NDUFAF2: variants seen among roughly 807,000 people sequenced by gnomAD.
The protein encoded by NDUFAF2 is NADH dehydrogenase [ubiquinone] 1 alpha subcomplex assembly factor 2.
In NDUFAF2, 13 loss-of-function variants were observed where a neutral mutation model predicts 22.8. The ratio of observed to expected loss-of-function variants is 0.57; its 90% CI spans 0.37 to 0.91. The LOEUF (loss-of-function observed/expected upper bound fraction) is 0.91, where lower values mean the gene tolerates loss of function less well. NDUFAF2 is among the 40% of genes least tolerant of loss of function. NDUFAF2 has a pLI of 0.01. For missense variants in NDUFAF2, 162 were observed against 195.2 expected (o/e 0.83, Z 1.01); for synonymous variants, 53 against 64.2 (o/e 0.83, Z 0.84).
intron 1 of NDUFAF2, among the ~76,000 whole-genome samples, chr5:61,010,709 C>T (rs899108946): frequency 2.0e-5 from 3 of 152,114 alleles, no homozygotes; most frequent in Non-Finnish European, 2.9e-5. Flanking sequence ...ATATTCATCC[C>T]TTCTTCTTTC....
chr5:61,056,903 AAAAAAAAAAAAAAAAAATAT>A (rs1212886654), intron 1 of NDUFAF2, among the ~76,000 whole-genome samples: 1 of 36,856 alleles, frequency 2.7e-5, no homozygotes, highest in African/African-American at 1.0e-4. Context: ...AAAAAAAAAA[AAAAAAAAAAAAAAAAAATAT>A]ATATATATAT....
At chr5:60,960,653 CTA>C (rs1750671551) in intron 1 of NDUFAF2, among the ~76,000 whole-genome samples, 1 of 152,120 alleles carries the variant, frequency 6.6e-6, no homozygotes, top group South Asian at 2.1e-4. Flanking sequence ...ATCTTCAGAA[CTA>C]TATGTCAGAC....
intron 3 of NDUFAF2, among the ~76,000 whole-genome samples, chr5:61,103,307 TCTC>T (rs1752725336): frequency 6.6e-6 from 1 of 152,116 alleles, no homozygotes; most frequent in African/African-American, 2.4e-5. Flanking sequence ...TTTAATGTCT[TCTC>T]CTTCTCCCAT....
At chr5:60,961,823 TA>T (rs1483296082) in intron 1 of NDUFAF2, among the ~76,000 whole-genome samples, 4 of 151,580 alleles carry the variant, frequency 2.6e-5, no homozygotes, top group African/African-American at 9.7e-5. Flanking sequence ...TTATTAGAAT[TA>T]AGAATGAATC....
intron 1 of NDUFAF2, among the ~76,000 whole-genome samples, chr5:61,058,409 C>G (rs1448016496): frequency 6.6e-6 from 1 of 151,804 alleles, no homozygotes; most frequent in Non-Finnish European, 1.5e-5. Flanking sequence ...AGAAAATACT[C>G]TTTTTATATA....
At chr5:61,089,510 T>A in intron 2 of NDUFAF2, among the ~76,000 whole-genome samples, 1 of 152,164 alleles carries the variant, frequency 6.6e-6, no homozygotes, top group East Asian at 1.9e-4. Flanking sequence ...ATTTTACAAA[T>A]AAGTGGTCAC....
rs368108864 is a variant in NDUFAF2 at position 61,017,021 on chromosome 5, C to T, written c.128-56104C>T. ...AATCTGAGGATGCTCAAGTCCCTTA[C>T]TGTACTCGTTTTCTCTTCTTCATTT... On this transcript the variant is annotated intron_variant, in intron 1 of 3. Coordinates refer to ENST00000296597, the MANE Select transcript of NDUFAF2 (RefSeq NM_174889.5). Among the ~76,000 whole-genome samples the T allele has an allele frequency of 4.3e-4, 65 of 152,346 alleles. 1 individual carries two copies. The South Asian group carries it at 0.013, about 31-fold the overall frequency.
chr5:61,086,537 T>A (rs1752507444), intron 2 of NDUFAF2, among the ~76,000 whole-genome samples: 1 of 152,178 alleles, frequency 6.6e-6, no homozygotes, highest in Non-Finnish European at 1.5e-5. Context: ...AGGAAAATTC[T>A]TTTCAATAGC....
At chr5:61,144,576 G>A (rs1268288900) in intron 3 of NDUFAF2, among the ~76,000 whole-genome samples, 1 of 152,090 alleles carries the variant, frequency 6.6e-6, no homozygotes. Flanking sequence ...CACACCTCTG[G>A]TCTGAGTGTG....
chr5:60,995,556 C>T (rs889960105), intron 1 of NDUFAF2, among the ~76,000 whole-genome samples: 2 of 152,170 alleles, frequency 1.3e-5, no homozygotes, highest in East Asian at 3.9e-4. Context: ...TGTTCTAAGC[C>T]ATCTAAAGCC....
chr5:61,069,102 G>A (rs1020350862), intron 1 of NDUFAF2, among the ~76,000 whole-genome samples: 2 of 150,010 alleles, frequency 1.3e-5, no homozygotes, highest in African/African-American at 4.9e-5. Context: ...CTGGCACATG[G>A]TAAACATGCC....
At chr5:60,989,004 G>T (rs1322458279) in intron 1 of NDUFAF2, among the ~76,000 whole-genome samples, 1 of 152,182 alleles carries the variant, frequency 6.6e-6, no homozygotes, top group Non-Finnish European at 1.5e-5. Flanking sequence ...TACAAAATAT[G>T]AGAAAATATT....
At chr5:60,981,386 T>C (rs1750975384) in intron 1 of NDUFAF2, among the ~76,000 whole-genome samples, 1 of 152,168 alleles carries the variant, frequency 6.6e-6, no homozygotes, top group Non-Finnish European at 1.5e-5. Flanking sequence ...GCAAAATACC[T>C]GAGGGACTTC....
chr5:61,094,268 G>A (rs1452477647), intron 2 of NDUFAF2, among the ~76,000 whole-genome samples: 3 of 151,902 alleles, frequency 2.0e-5, no homozygotes, highest in Admixed American at 6.6e-5. Flanking sequence ...CCTTAACTTG[G>A]TCTATTCTGT....
At chr5:61,036,616 AG>A (rs1283870099) in intron 1 of NDUFAF2, among the ~76,000 whole-genome samples, 3 of 152,176 alleles carry the variant, frequency 2.0e-5, no homozygotes, top group African/African-American at 7.2e-5. Flanking sequence ...TGGGCCTAGG[AG>A]GGAAACTACA....
intron 1 of NDUFAF2, among the ~76,000 whole-genome samples, chr5:61,040,352 C>T (rs1307737113): frequency 6.6e-6 from 1 of 151,554 alleles, no homozygotes; most frequent in Non-Finnish European, 1.5e-5. Context: ...CAAGGAAGGC[C>T]AGGAGCCACT....
intron 1 of NDUFAF2, among the ~76,000 whole-genome samples, chr5:60,974,430 T>C (rs1275856208): frequency 1.3e-5 from 2 of 152,210 alleles, no homozygotes; most frequent in Admixed American, 6.5e-5. Flanking sequence ...AGTTGGCTTA[T>C]TGTGGGACTT....
chr5:61,009,889 A>G (rs1490328716), intron 1 of NDUFAF2, among the ~76,000 whole-genome samples: 1 of 152,122 alleles, frequency 6.6e-6, no homozygotes, highest in Non-Finnish European at 1.5e-5. Flanking sequence ...AAAGCAAAGC[A>G]AAACAAAAAA....
chr5:61,024,687 T>C (rs1191397415), intron 1 of NDUFAF2, among the ~76,000 whole-genome samples: 1 of 152,166 alleles, frequency 6.6e-6, no homozygotes, highest in Non-Finnish European at 1.5e-5. Context: ...TTAATCATTA[T>C]ACTGTAGCTT....
Sources: gnomAD v4.1 joint callset for allele counts (sites outside exome capture counted in the v4.1 genomes callset) on GRCh38, gnomAD v4.1.1 for gene constraint, MANE v1.5 for transcripts, NCBI Gene and HGNC (gene_info 2026-07-23, HGNC 2026-07-21) for gene names.